Variants in EPB41L5 observed in about 807,000 individuals in gnomAD.
EPB41L5 encodes erythrocyte membrane protein band 4.1 like 5.
A neutral mutation model predicts 106.6 loss-of-function variants in EPB41L5; 55 were observed. The observed-to-expected ratio is 0.52, with a 90% CI of 0.42 to 0.65. EPB41L5 has a LOEUF of 0.65. Ranked by LOEUF, EPB41L5 falls within the 30% of genes least tolerant of loss-of-function variation. EPB41L5 has a pLI of 0.00. For missense variants in EPB41L5, 871 were observed against 882.1 expected, an observed-to-expected ratio of 0.99 and a Z score of 0.16; for synonymous variants, 297 against 306.7, an observed-to-expected ratio of 0.97 and a Z score of 0.33.
At chr2:120,126,956 A>G (rs190553505) in intron 16 of EPB41L5, among the ~76,000 whole-genome samples, 2 of 152,340 alleles carry the variant, frequency 1.3e-5, no homozygotes, top group African/African-American at 4.8e-5. Context: ...TCAGTGTACA[A>G]GTCATACATA....
chr2:120,041,615 A>G (rs2105208933), intron 2 of EPB41L5, among the ~76,000 whole-genome samples: 1 of 152,266 alleles, frequency 6.6e-6, no homozygotes. Flanking sequence ...AGTTTCACAT[A>G]TTTTGTACTA....
chr2:120,125,785 G>A (rs1004859274), intron 16 of EPB41L5, among the ~76,000 whole-genome samples: 3 of 152,128 alleles, frequency 2.0e-5, no homozygotes, highest in Admixed American at 1.3e-4. Context: ...AATATGAGAT[G>A]TATTGGTTTG....
chr2:120,071,527 T>C (rs1681866795), intron 3 of EPB41L5, among the ~76,000 whole-genome samples: 1 of 152,182 alleles, frequency 6.6e-6, no homozygotes, highest in African/African-American at 2.4e-5. Context: ...GACTTCAAAC[T>C]ATACTACAAG....
At chr2:120,143,259 G>A in intron 19 of EPB41L5, 128 bp downstream of exon 19, 1 of 1,094,628 alleles carries the variant, frequency 9.1e-7, no homozygotes, top group Non-Finnish European at 1.3e-6. Flanking sequence ...AAAAATAAGA[G>A]TAAAGATGCT....
At chr2:120,040,699 G>T (rs944589794) in intron 2 of EPB41L5, among the ~76,000 whole-genome samples, 5 of 152,136 alleles carry the variant, frequency 3.3e-5, no homozygotes, top group Admixed American at 3.3e-4. Flanking sequence ...GAATAAAAAA[G>T]AATAAATAGA....
intron 2 of EPB41L5, among the ~76,000 whole-genome samples, chr2:120,027,521 C>T (rs1678408318): frequency 6.6e-6 from 1 of 152,152 alleles, no homozygotes; most frequent in African/African-American, 2.4e-5. Context: ...TTAGGGCAGC[C>T]TGAGTGAGTG....
At chr2:120,086,604 A>C (rs1330655293) in intron 10 of EPB41L5, among the ~76,000 whole-genome samples, 1 of 152,010 alleles carries the variant, frequency 6.6e-6, no homozygotes, top group Non-Finnish European at 1.5e-5. Context: ...TCTACAAAGA[A>C]TACAAAAATT....
intron 3 of EPB41L5, 98 bp downstream of exon 3, chr2:120,042,208 T>C (rs1679447204): frequency 1.1e-6 from 1 of 871,404 alleles, no homozygotes; most frequent in South Asian, 1.6e-5. Flanking sequence ...TCTTGATGTG[T>C]TATTGTGATA....
At chr2:120,083,851 G>T (rs1042041587) in intron 10 of EPB41L5, among the ~76,000 whole-genome samples, 1 of 152,190 alleles carries the variant, frequency 6.6e-6, no homozygotes, top group Non-Finnish European at 1.5e-5. Flanking sequence ...TTACCATTAT[G>T]TAATGGCCTT....
chr2:120,043,427 G>A (rs1357950399), intron 3 of EPB41L5, among the ~76,000 whole-genome samples: 2 of 151,966 alleles, frequency 1.3e-5, no homozygotes, highest in African/African-American at 4.8e-5. Flanking sequence ...TGCCCCTGTA[G>A]TCCCAGCTAC....
At chr2:120,139,568 T>G (rs1324420116) in intron 18 of EPB41L5, among the ~76,000 whole-genome samples, 1 of 152,020 alleles carries the variant, frequency 6.6e-6, no homozygotes, top group Non-Finnish European at 1.5e-5. Context: ...CAAACAAGTT[T>G]ATGAAAAGGT....
intron 12 of EPB41L5, among the ~76,000 whole-genome samples, 200 bp from the exon 13 acceptor site, chr2:120,091,355 C>G (rs917998824): frequency 1.3e-5 from 2 of 151,948 alleles, no homozygotes; most frequent in African/African-American, 4.8e-5. Flanking sequence ...AAAATAAAAC[C>G]AACATAATCT....
intron 16 of EPB41L5, among the ~76,000 whole-genome samples, chr2:120,127,213 C>T (rs1685492526): frequency 6.6e-6 from 1 of 152,084 alleles, no homozygotes; most frequent in Non-Finnish European, 1.5e-5. Flanking sequence ...CAGTCCCTTT[C>T]ACTCCATTTT....
intron 9 of EPB41L5, 112 bp downstream of exon 9, chr2:120,077,428 G>A: frequency 2.8e-6 from 2 of 702,714 alleles, no homozygotes; most frequent in Non-Finnish European, 4.6e-6. Flanking sequence ...GCTAGCACTG[G>A]GTACTTTGGA....
At chr2:120,130,463 C>G (rs1685642864) in intron 17 of EPB41L5, among the ~76,000 whole-genome samples, 1 of 152,194 alleles carries the variant, frequency 6.6e-6, no homozygotes, top group Non-Finnish European at 1.5e-5. Flanking sequence ...ATAGCTTGTG[C>G]TGCATGGCAG....
intron 11 of EPB41L5, among the ~76,000 whole-genome samples, chr2:120,087,512 C>T (rs1683137107): frequency 6.6e-6 from 1 of 152,070 alleles, no homozygotes; most frequent in Non-Finnish European, 1.5e-5. Flanking sequence ...TTAAGTGAGC[C>T]AGCCAGTCAC....
intron 3 of EPB41L5, among the ~76,000 whole-genome samples, chr2:120,042,608 T>G (rs1228147572): frequency 6.6e-6 from 1 of 151,950 alleles, no homozygotes; most frequent in African/African-American, 2.4e-5. Context: ...CATAATGGAG[T>G]AGAAAGTTGG....
At chr2:120,032,106 G>A (rs1678750508) in intron 2 of EPB41L5, among the ~76,000 whole-genome samples, 1 of 152,184 alleles carries the variant, frequency 6.6e-6, no homozygotes, top group Non-Finnish European at 1.5e-5. Flanking sequence ...AAATGGGCCA[G>A]GCGCGGTGGC....
rs769309339 is a variant in EPB41L5 at position 120,100,826 on chromosome 2, C to T, written c.1337+12C>T. ...CATGACAGGAAATGGTTTGTTAATT[C>T]CTTAAACTAAAATAAAATATTGCCT... On this transcript the variant is annotated intron_variant, in intron 16 of 24. Coordinates refer to ENST00000263713, the MANE Select transcript of EPB41L5 (RefSeq NM_020909.4). 8 of 1,514,030 alleles carry T rather than the reference C, an allele frequency of 5.3e-6. No individual in the cohort carries two copies. The South Asian group carries it at 9.4e-5, about 18-fold the overall frequency. 93.8% of individuals were successfully genotyped at this position (1,514,030 alleles called of 1,614,324 possible).
Sources: gnomAD v4.1 joint callset for allele counts (sites outside exome capture counted in the v4.1 genomes callset) on GRCh38, gnomAD v4.1.1 for gene constraint, MANE v1.5 for transcripts, NCBI Gene and HGNC (gene_info 2026-07-23, HGNC 2026-07-21) for gene names.